The following RAPGEF6 variants were observed in gnomAD, a reference collection of about 807,000 sequenced individuals.
RAPGEF6 encodes the protein PDZ domain containing guanine nucleotide exchange factor (GEF) 2.
A neutral mutation model predicts 171.4 loss-of-function variants in RAPGEF6; 56 were observed. The observed-to-expected ratio is 0.33, with a 90% confidence interval of 0.26 to 0.41. The LOEUF (loss-of-function observed/expected upper bound fraction) is 0.41, where lower values mean the gene tolerates loss of function less well. RAPGEF6 is among the 10% of genes least tolerant of loss of function. RAPGEF6 has a pLI of 1.00. For missense variants in RAPGEF6, 1,674 were observed against 1,921.4 expected (o/e 0.87, Z 2.41); for synonymous variants, 692 against 650.1 (o/e 1.06, Z -0.98).
intron 6 of RAPGEF6, among the ~76,000 whole-genome samples, chr5:131,537,893 G>C (rs1759876172): frequency 6.6e-6 from 1 of 150,722 alleles, no homozygotes; most frequent in African/African-American, 2.5e-5. Flanking sequence ...ACGAGTTCAA[G>C]ACCAACCTGA....
chr5:131,528,145 A>G (rs1275366453), intron 6 of RAPGEF6, among the ~76,000 whole-genome samples: 2 of 47,458 alleles, frequency 4.2e-5, no homozygotes, highest in Admixed American at 2.4e-4. Context: ...AATATATACT[A>G]TATATAATAT....
chr5:131,450,074 G>A (rs896070596), intron 21 of RAPGEF6: 1 of 1,535,814 alleles, frequency 6.5e-7, no homozygotes, highest in Non-Finnish European at 8.7e-7. Context: ...AAACATTGAA[G>A]CATGTGTTTG....
At chr5:131,627,013 G>A (rs901808687) in intron 1 of RAPGEF6, among the ~76,000 whole-genome samples, 2 of 152,126 alleles carry the variant, frequency 1.3e-5, no homozygotes, top group Non-Finnish European at 2.9e-5. Flanking sequence ...AATAATTTGG[G>A]GGTAGAAACA....
intron 4 of RAPGEF6, among the ~76,000 whole-genome samples, chr5:131,575,893 G>A (rs1762577250): frequency 6.6e-6 from 1 of 152,066 alleles, no homozygotes; most frequent in East Asian, 1.9e-4. Context: ...TGCAGTGGCA[G>A]CCACCACTTC....
chr5:131,620,743 A>C (rs1469553100), intron 1 of RAPGEF6, among the ~76,000 whole-genome samples: 2 of 152,076 alleles, frequency 1.3e-5, no homozygotes, highest in Non-Finnish European at 2.9e-5. Context: ...GGCACGCATC[A>C]CCATGCCCAG....
At position 131,604,696 on chromosome 5, in the gene RAPGEF6, G is replaced by T. The variant is rs1764444970; in HGVS notation, c.70-3C>A. ...TAAGAATAAATAGTATTTAAGTCCT[G>T]TGGAACAGAAGAAAAAAATTAGATT... On this transcript the variant is annotated splice_region_variant and splice_polypyrimidine_tract_variant and intron_variant, in intron 1 of 27. Coordinates refer to ENST00000509018, the MANE Select transcript of RAPGEF6 (RefSeq NM_016340.6). 5.0e-6 allele frequency: 8 copies of T among 1,599,240 alleles called. No individual in the cohort carries two copies. The highest frequency in any genetic ancestry group is 6.8e-6 in the Non-Finnish European group (8 of 1,175,072).
rs537326492 is a variant in RAPGEF6, at chr5:131,629,667, C to T, written c.69+5295G>A. ...GCTACTCAGGAGGCTGAGGTGGGGT[C>T]ACTTGAGCCTGGGAAGTAGAGGCTG... On this transcript the variant is annotated intron_variant, in intron 1 of 27. Coordinates refer to ENST00000509018, the MANE Select transcript of RAPGEF6 (RefSeq NM_016340.6). 2.5e-4 allele frequency among the ~76,000 whole-genome samples: 37 copies of T among 149,460 alleles called. No homozygotes were observed. The South Asian group carries it at 7.4e-3, about 30-fold the overall frequency.
At chr5:131,430,296 A>G (rs1283281603) in intron 26 of RAPGEF6, among the ~76,000 whole-genome samples, 2 of 152,196 alleles carry the variant, frequency 1.3e-5, no homozygotes, top group Non-Finnish European at 2.9e-5. Flanking sequence ...AAATTTTTAA[A>G]AAGTATTTGA....
intron 11 of RAPGEF6, among the ~76,000 whole-genome samples, chr5:131,501,302 C>T (rs1380327900): frequency 6.6e-6 from 1 of 150,764 alleles, no homozygotes; most frequent in Non-Finnish European, 1.5e-5. Context: ...TGCCACTGCA[C>T]TCCAGCCTGG....
chr5:131,601,003 T>C (rs1031605576), intron 3 of RAPGEF6, among the ~76,000 whole-genome samples: 2 of 150,358 alleles, frequency 1.3e-5, no homozygotes, highest in South Asian at 4.2e-4. Flanking sequence ...ATGCCTGTAA[T>C]CCTCGGGAGT....
At chr5:131,558,422 G>T (rs1204932773) in intron 5 of RAPGEF6, among the ~76,000 whole-genome samples, 1 of 151,820 alleles carries the variant, frequency 6.6e-6, no homozygotes, top group Non-Finnish European at 1.5e-5. Context: ...AGTCTTTTCT[G>T]AGACTCAACC....
At chr5:131,501,021 C>A (rs1319587393) in intron 11 of RAPGEF6, among the ~76,000 whole-genome samples, 1 of 152,152 alleles carries the variant, frequency 6.6e-6, no homozygotes, top group East Asian at 1.9e-4. Flanking sequence ...CTGGAGCCCA[C>A]CTTGGCCTCC....
chr5:131,634,864 G>T, intron 1 of RAPGEF6, 98 bp downstream of exon 1: 3 of 1,362,932 alleles, frequency 2.2e-6, no homozygotes, highest in Non-Finnish European at 3.1e-6. Context: ...TAGCAGGTGC[G>T]AGACTCTGGC....
chr5:131,461,867 T>C lies in RAPGEF6; in HGVS notation c.2702A>G (p.Lys901Arg), dbSNP rs1753956577. The C allele has an allele frequency of 1.9e-6, 3 of 1,614,152 alleles. No individual in the cohort carries two copies. The South Asian group carries it at 3.3e-5, about 18-fold the overall frequency. The change falls in exon 19 of 28, where the codon AAG becomes AGG. Residue 901 changes from lysine to arginine, a missense_variant. Coordinates refer to ENST00000509018, the MANE Select transcript of RAPGEF6 (RefSeq NM_016340.6). ...LNSKTGNTHL[K>R]RFEDIVNQET... is the part of the protein sequence containing the mutation. ...TTGGTTTACAATGTCCTCAAACCTC[T>C]TCAAATGAGTATTTCCTGTTTTGGA...
chr5:131,597,738 G>A (rs1763985848), intron 3 of RAPGEF6, among the ~76,000 whole-genome samples: 2 of 152,096 alleles, frequency 1.3e-5, no homozygotes, highest in South Asian at 4.1e-4. Flanking sequence ...GAGAGGTTGG[G>A]TAGTGGGTAC....
intron 17 of RAPGEF6, among the ~76,000 whole-genome samples, chr5:131,470,514 C>T (rs1030320662): frequency 6.6e-6 from 1 of 152,212 alleles, no homozygotes; most frequent in Non-Finnish European, 1.5e-5. Flanking sequence ...CCTACATATA[C>T]CTATGGCAAA....
At chr5:131,531,729 TG>T (rs1240686077) in intron 6 of RAPGEF6, among the ~76,000 whole-genome samples, 1 of 152,136 alleles carries the variant, frequency 6.6e-6, no homozygotes, top group African/African-American at 2.4e-5. Context: ...TAATGAAAAA[TG>T]TCATATAATC....
Position 131,521,461 on chromosome 5 carries a change from CAT to C in RAPGEF6, c.554_555del (p.His185ArgfsTer4), listed in dbSNP as rs1561532248. 6.2e-6 allele frequency: 10 copies of C among 1,612,526 alleles called. No homozygotes were observed. Among genetic ancestry groups the C allele is most frequent in the Non-Finnish European group, 8.5e-6 (10 of 1,179,058 alleles). On this transcript the variant is annotated frameshift_variant, in exon 7 of 28. Transcript: ENST00000509018. LOFTEE classifies it high-confidence loss of function. ...CTACAACCAGACTGACTAGAAGACACATGAGTCACCTGTGGATGAGGGTTTTC... is the reference window on the plus strand; with the variant it reads ...CTACAACCAGACTGACTAGAAGACACGAGTCACCTGTGGATGAGGGTTTTC... ...LTENPHPQVT[H>X]VSSSQSGCSI... is the part of the protein sequence containing the mutation.
intron 7 of RAPGEF6, among the ~76,000 whole-genome samples, chr5:131,519,029 G>A (rs1010801953): frequency 3.3e-5 from 5 of 152,140 alleles, no homozygotes; most frequent in African/African-American, 1.2e-4. Flanking sequence ...TAGGGGTCAG[G>A]AGAAGGTACT....
Sources: allele counts gnomAD v4.1 joint callset (sites outside exome capture counted in the v4.1 genomes callset), GRCh38; gene constraint gnomAD v4.1.1; transcripts MANE v1.5; gene names NCBI Gene and HGNC (gene_info 2026-07-23, HGNC 2026-07-21).